B3GALT1: variants seen among roughly 807,000 people sequenced by gnomAD.
B3GALT1 encodes UDP-Gal:betaGlcNAc beta 1,3-galactosyltransferase, polypeptide 1.
In B3GALT1, 10 loss-of-function variants were observed where a neutral mutation model predicts 23.2. The observed-to-expected ratio is 0.43, with a 90% CI of 0.27 to 0.73. The LOEUF (loss-of-function observed/expected upper bound fraction) is 0.73, where lower values mean the gene tolerates loss of function less well. Ranked by LOEUF, B3GALT1 falls within the 30% of genes least tolerant of loss-of-function variation. The pLI is 0.21. For missense variants in B3GALT1, 299 were observed against 405.4 expected, an observed-to-expected ratio of 0.74 and a Z score of 2.25; for synonymous variants, 156 against 141.5, an observed-to-expected ratio of 1.10 and a Z score of -0.73.
At chr2:167,864,423 G>T (rs905232509) in intron 4 of B3GALT1, among the ~76,000 whole-genome samples, 2 of 152,146 alleles carry the variant, frequency 1.3e-5, no homozygotes, top group African/African-American at 4.8e-5. Flanking sequence ...AATTAGCCAG[G>T]CATGGTGGCA....
intron 2 of B3GALT1, among the ~76,000 whole-genome samples, chr2:167,515,025 G>C (rs1700079635): frequency 6.6e-6 from 1 of 152,000 alleles, no homozygotes; most frequent in Non-Finnish European, 1.5e-5. Context: ...CAAAAGTTTA[G>C]TAAAAAATTG....
intron 3 of B3GALT1, among the ~76,000 whole-genome samples, chr2:167,710,739 C>G (rs1365402698): frequency 6.6e-6 from 1 of 152,132 alleles, no homozygotes; most frequent in Non-Finnish European, 1.5e-5. Context: ...ACGTGATCAT[C>G]CTTGGTTCCT....
At chr2:167,296,016 A>G (rs939879250) in intron 1 of B3GALT1, among the ~76,000 whole-genome samples, 4 of 152,182 alleles carry the variant, frequency 2.6e-5, no homozygotes, top group African/African-American at 9.7e-5. Context: ...CTTAATTTAT[A>G]CAAGCAGTTC....
At chr2:167,703,918 A>G (rs1431919655) in intron 3 of B3GALT1, among the ~76,000 whole-genome samples, 1 of 152,118 alleles carries the variant, frequency 6.6e-6, no homozygotes, top group Non-Finnish European at 1.5e-5. Context: ...GCGGTGGCTC[A>G]CACCTGTAAT....
At chr2:167,450,167 A>C (rs551130224) in intron 1 of B3GALT1, among the ~76,000 whole-genome samples, 1 of 152,062 alleles carries the variant, frequency 6.6e-6, no homozygotes, top group Non-Finnish European at 1.5e-5. Context: ...TAGGATTGGT[A>C]CCAATTCTTT....
chr2:167,382,071 G>C (rs17563397), intron 1 of B3GALT1, among the ~76,000 whole-genome samples: 1 of 152,144 alleles, frequency 6.6e-6, no homozygotes, highest in Non-Finnish European at 1.5e-5. Context: ...CTTAAATTGA[G>C]GCCATTCATT....
Position 167,521,986 on chromosome 2 carries a change from A to G in B3GALT1, c.-410+31709A>G, listed in dbSNP as rs1227115. Among the ~76,000 whole-genome samples the G allele has an allele frequency of 2.1e-3, 228 of 108,448 alleles. 1 individual carries two copies. The highest frequency in any genetic ancestry group is 0.01 in the Middle Eastern group (2 of 198). 71.1% of individuals were successfully genotyped at this position (108,448 alleles called of 152,430 possible). A position where few individuals can be genotyped will look rare whatever the true frequency, so the allele number is the denominator to read the frequency against. On this transcript the variant is annotated intron_variant, in intron 2 of 4. Transcript: ENST00000392690. Reference sequence around the variant, plus strand: ...AACATATATGTGTGTGTGTGTGTGTATATATATATATATATATATACACAT... The same window carrying G: ...AACATATATGTGTGTGTGTGTGTGTGTATATATATATATATATATACACAT...
chr2:167,688,688 C>T (rs780574196), intron 3 of B3GALT1, among the ~76,000 whole-genome samples: 1 of 151,962 alleles, frequency 6.6e-6, no homozygotes, highest in Non-Finnish European at 1.5e-5. Flanking sequence ...ACATCTTTAT[C>T]ATCAGAGTCT....
intron 2 of B3GALT1, among the ~76,000 whole-genome samples, chr2:167,544,828 G>A (rs1692445478): frequency 6.6e-6 from 1 of 152,116 alleles, no homozygotes; most frequent in Admixed American, 6.5e-5. Flanking sequence ...CTCGATCGAA[G>A]GGTTCGTGGT....
At chr2:167,512,637 C>CATATATATATAT (rs748345888) in intron 2 of B3GALT1, among the ~76,000 whole-genome samples, 2 of 64,940 alleles carry the variant, frequency 3.1e-5, no homozygotes, top group African/African-American at 1.6e-4. Context: ...TATATATATA[C>CATATATATATAT]ATATATATAT....
intron 4 of B3GALT1, among the ~76,000 whole-genome samples, chr2:167,848,639 A>G (rs1223991334): frequency 6.6e-6 from 1 of 152,208 alleles, no homozygotes; most frequent in East Asian, 1.9e-4. Context: ...CCAACATAAT[A>G]CTGAATGGGG....
intron 2 of B3GALT1, among the ~76,000 whole-genome samples, chr2:167,541,013 T>A (rs1375694589): frequency 1.3e-5 from 2 of 152,194 alleles, no homozygotes; most frequent in African/African-American, 4.8e-5. Flanking sequence ...AAAATGGAAT[T>A]TTTTGTTCTA....
At chr2:167,714,200 C>T (rs1687107037) in intron 3 of B3GALT1, 25 of 1,512,144 alleles carry the variant, frequency 1.7e-5, no homozygotes, top group Non-Finnish European at 2.2e-5. Flanking sequence ...TCTGTCTTCC[C>T]TTTGTGGAGG....
At chr2:167,521,351 TC>T (rs1700184805) in intron 2 of B3GALT1, among the ~76,000 whole-genome samples, 1 of 152,152 alleles carries the variant, frequency 6.6e-6, no homozygotes, top group Non-Finnish European at 1.5e-5. Flanking sequence ...TTCTTGAAGA[TC>T]CCTTTTACAG....
intron 3 of B3GALT1, among the ~76,000 whole-genome samples, chr2:167,786,764 G>A (rs933160392): frequency 1.3e-5 from 2 of 152,084 alleles, no homozygotes; most frequent in African/African-American, 2.4e-5. Context: ...TAATTCTCAC[G>A]TGCAACCCAG....
rs1333906866 is a variant in B3GALT1 at position 167,496,691 on chromosome 2, T to C, written c.-410+6414T>C. On this transcript the variant is annotated intron_variant, in intron 2 of 4. Coordinates refer to ENST00000392690, the MANE Select transcript of B3GALT1 (RefSeq NM_020981.4). ...AAAATTCCTGTGTTGAAATCCTAAC[T>C]CTCAGTGTGATGGTATTAGGAGGTG... Among the ~76,000 whole-genome samples the C allele has an allele frequency of 2.0e-5, 3 of 152,116 alleles. No individual in the cohort carries two copies. The East Asian group carries it at 5.8e-4, about 29-fold the overall frequency.
chr2:167,692,245 G>GT (rs1305354470), intron 3 of B3GALT1, among the ~76,000 whole-genome samples: 11 of 152,202 alleles, frequency 7.2e-5, no homozygotes, highest in African/African-American at 2.6e-4. Flanking sequence ...CCAAAATTAA[G>GT]GCAGCAGACT....
At chr2:167,471,455 CAG>C (rs1317144569) in intron 1 of B3GALT1, among the ~76,000 whole-genome samples, 1 of 152,146 alleles carries the variant, frequency 6.6e-6, no homozygotes, top group Admixed American at 6.5e-5. Flanking sequence ...TTGAAGATTT[CAG>C]AGAGCAGATG....
chr2:167,558,643 C>G (rs979404679), intron 2 of B3GALT1, among the ~76,000 whole-genome samples: 1 of 152,188 alleles, frequency 6.6e-6, no homozygotes, highest in Non-Finnish European at 1.5e-5. Flanking sequence ...AAATGGCGCA[C>G]CAGGAGATTA....
Sources: allele counts gnomAD v4.1 joint callset (sites outside exome capture counted in the v4.1 genomes callset), GRCh38; gene constraint gnomAD v4.1.1; transcripts MANE v1.5; gene names NCBI Gene and HGNC (gene_info 2026-07-23, HGNC 2026-07-21).